Variants in POLR3B observed in about 807,000 individuals in gnomAD.
POLR3B encodes the protein DNA-directed RNA polymerase III subunit RPC2.
Under a neutral mutation model 147.4 loss-of-function variants are expected in POLR3B, and 96 were observed. The ratio of observed to expected loss-of-function variants is 0.65; its 90% confidence interval spans 0.55 to 0.77. The LOEUF is 0.77. Among genes scored for constraint, POLR3B ranks in the 30% least tolerant of loss-of-function variants. POLR3B has a pLI of 0.00. For synonymous variants in POLR3B, 461 were observed against 485.9 expected (o/e 0.95, Z 0.67); for missense variants, 1,036 against 1,413.5 (o/e 0.73, Z 4.28).
intron 10 of POLR3B, among the ~76,000 whole-genome samples, chr12:106,404,214 C>A (rs929867785): frequency 1.3e-5 from 2 of 151,962 alleles, no homozygotes; most frequent in African/African-American, 4.8e-5. Flanking sequence ...CCTCAGCCTC[C>A]CAAGTAGCTG....
chr12:106,363,186 A>T (rs2136878492), intron 1 of POLR3B, among the ~76,000 whole-genome samples: 1 of 152,150 alleles, frequency 6.6e-6, no homozygotes. Flanking sequence ...ATTGCCATCC[A>T]CTTGTTAATC....
chr12:106,486,865 G>A (rs2137064120), intron 23 of POLR3B, among the ~76,000 whole-genome samples: 1 of 152,318 alleles, frequency 6.6e-6, no homozygotes, highest in East Asian at 1.9e-4. Context: ...TCAAACAGAT[G>A]TAAAAGGAAG....
chr12:106,492,608 G>A (rs1018179221), intron 23 of POLR3B, among the ~76,000 whole-genome samples: 2 of 152,300 alleles, frequency 1.3e-5, no homozygotes, highest in African/African-American at 2.4e-5. Context: ...TCCTGAGCAA[G>A]CCTATTCTTA....
chr12:106,482,438 A>G (rs887438788), intron 23 of POLR3B, among the ~76,000 whole-genome samples: 2 of 152,202 alleles, frequency 1.3e-5, no homozygotes, highest in Admixed American at 6.5e-5. Flanking sequence ...AGGCCTCAGG[A>G]AAGTTACAAT....
intron 25 of POLR3B, 63 bp from the exon 26 acceptor site, chr12:106,501,260 A>G: frequency 6.1e-6 from 6 of 991,512 alleles, no homozygotes; most frequent in Non-Finnish European, 3.3e-6. Context: ...GATGGGTCCA[A>G]AGGCTGTCTC....
intron 23 of POLR3B, among the ~76,000 whole-genome samples, chr12:106,464,579 T>G (rs2037981390): frequency 1.3e-5 from 2 of 152,174 alleles, no homozygotes; most frequent in Non-Finnish European, 2.9e-5. Context: ...TGTTAAGCAG[T>G]TAGCAGTGTG....
At chr12:106,482,482 T>G (rs2038281186) in intron 23 of POLR3B, among the ~76,000 whole-genome samples, 1 of 152,052 alleles carries the variant, frequency 6.6e-6, no homozygotes, top group Non-Finnish European at 1.5e-5. Flanking sequence ...CAGGCACATC[T>G]TACACGGCCA....
chr12:106,496,468 A>G lies in POLR3B; in HGVS notation c.2818-284A>G, dbSNP rs138642319. 2.3e-3 allele frequency: 1,381 copies of G among 596,814 alleles called. 15 individuals carry two copies. Among genetic ancestry groups the G allele is most frequent in the African/African-American group, 0.023 (1,227 of 53,944 alleles). 37.0% of individuals were successfully genotyped at this position (596,814 alleles called of 1,614,324 possible). A position where few individuals can be genotyped will look rare whatever the true frequency, so the allele number is the denominator to read the frequency against. The stretch of plus-strand genomic sequence containing the variant: ...GATCTCCCTTTCAGTGATTATTTTT[A>G]GTGATCCTGGCTCCACCTCTTACCA... On this transcript the variant is annotated intron_variant, in intron 24 of 27. Transcript: ENST00000228347.
chr12:106,474,697 G>A (rs1265245674), intron 23 of POLR3B, among the ~76,000 whole-genome samples: 2 of 133,104 alleles, frequency 1.5e-5, no homozygotes, highest in African/African-American at 5.8e-5. Flanking sequence ...TATTTCTGTG[G>A]GATCGGTGGT....
intron 22 of POLR3B, 105 bp downstream of exon 22, chr12:106,459,473 C>T (rs2037907960): frequency 1.3e-6 from 1 of 754,038 alleles, no homozygotes; most frequent in Non-Finnish European, 2.4e-6. Flanking sequence ...CTAGAAATAG[C>T]AATTTGGGGT....
rs757026963 is a variant in POLR3B, at chr12:106,433,854, A to T, written c.1763A>T (p.Asp588Val). 1 of 1,613,484 alleles carries T rather than the reference A, an allele frequency of 6.2e-7. No homozygotes were observed. The highest frequency in any genetic ancestry group is 8.5e-7 in the Non-Finnish European group (1 of 1,179,572). The change falls in exon 16 of 28, where the codon GAT becomes GTT. Residue 588 changes from aspartate (D) to valine (V), a missense_variant. This residue lies in a region of POLR3B where 177 missense variants were observed against 232.7 expected (regional missense o/e 0.76). Coordinates refer to ENST00000228347, the MANE Select transcript of POLR3B (RefSeq NM_018082.6). Reference protein sequence around the residue: ...LTDRCVYISSDGGRLCRPYII... With the variant: ...LTDRCVYISSVGGRLCRPYII... Reference sequence around the variant, plus strand: ...GATCGATGTGTCTATATTTCTTCTGATGGGGGAAGGCTATGCAGGTATATA... The same window carrying T: ...GATCGATGTGTCTATATTTCTTCTGTTGGGGGAAGGCTATGCAGGTATATA...
chr12:106,428,912 A>G (rs1436449366), intron 13 of POLR3B, among the ~76,000 whole-genome samples: 1 of 152,218 alleles, frequency 6.6e-6, no homozygotes, highest in Non-Finnish European at 1.5e-5. Flanking sequence ...CCAAAGTTAC[A>G]TATTTTAATG....
chr12:106,463,533 G>A lies in POLR3B; in HGVS notation c.2626G>A (p.Glu876Lys), dbSNP rs2037967169. 1.2e-6 allele frequency: 2 copies of A among 1,613,156 alleles called. No homozygotes were observed. The highest frequency in any genetic ancestry group is 1.7e-6 in the Non-Finnish European group (2 of 1,179,146). The change falls in exon 23 of 28, where the codon GAA becomes AAA. Residue 876 changes from glutamate (E) to lysine (K), a missense_variant. By Grantham distance (56) the Glu-to-Lys change is moderately conservative (BLOSUM62 1). This residue lies in a region of POLR3B where 202 missense variants were observed against 272.8 expected (regional missense o/e 0.74). Transcript: ENST00000228347. ...AAAAGTGATGATATCTTCAAATGCTGAAGATGCTTTTCTGATCAAAATGCT... is the reference window on the plus strand; with the variant it reads ...AAAAGTGATGATATCTTCAAATGCTAAAGATGCTTTTCTGATCAAAATGCT... Reference protein sequence around the residue: ...IEKVMISSNAEDAFLIKMLLR... With the variant: ...IEKVMISSNAKDAFLIKMLLR...
chr12:106,384,254 A>G (rs545159583), intron 9 of POLR3B, among the ~76,000 whole-genome samples: 2 of 152,370 alleles, frequency 1.3e-5, no homozygotes, highest in South Asian at 2.1e-4. Context: ...ATAGCAGCCC[A>G]TTTAACCTGT....
chr12:106,366,929 C>T (rs1380551478), intron 4 of POLR3B, among the ~76,000 whole-genome samples: 3 of 152,104 alleles, frequency 2.0e-5, no homozygotes, highest in South Asian at 2.1e-4. Flanking sequence ...CATGGTGAAA[C>T]CCTGTCTCTA....
intron 9 of POLR3B, among the ~76,000 whole-genome samples, chr12:106,387,899 C>T (rs1329272944): frequency 6.6e-6 from 1 of 152,084 alleles, no homozygotes; most frequent in African/African-American, 2.4e-5. Flanking sequence ...CTTTTTCTTT[C>T]CTTAGTTGTC....
At chr12:106,484,593 G>GA (rs71685913) in intron 23 of POLR3B, among the ~76,000 whole-genome samples, 37,710 of 151,290 alleles carry the variant, frequency 0.25, 5,214 homozygotes, top group African/African-American at 0.37. Flanking sequence ...TCCATTTCAA[G>GA]AAAAAAAAGT....
chr12:106,360,412 A>T (rs979442652), intron 1 of POLR3B, among the ~76,000 whole-genome samples: 25 of 152,092 alleles, frequency 1.6e-4, no homozygotes, highest in African/African-American at 5.6e-4. Context: ...TTTCTTCTGG[A>T]TCGCTCTCCC....
intron 4 of POLR3B, among the ~76,000 whole-genome samples, chr12:106,367,946 T>A (rs997415497): frequency 3.9e-5 from 6 of 152,192 alleles, no homozygotes; most frequent in African/African-American, 1.4e-4. Flanking sequence ...CCTTCTGCAG[T>A]GATACTGGAA....
Sources: gnomAD v4.1 joint callset for allele counts (sites outside exome capture counted in the v4.1 genomes callset) on GRCh38, gnomAD v4.1.1 for gene constraint, gnomAD v4.1.1 regional missense constraint, MANE v1.5 for transcripts, NCBI Gene and HGNC (gene_info 2026-07-23, HGNC 2026-07-21) for gene names.